Variants in MARK1 observed in about 807,000 individuals in gnomAD.
MARK1 encodes microtubule affinity regulating kinase 1.
Under a neutral mutation model 96.3 loss-of-function variants are expected in MARK1, and 40 were observed. The observed-to-expected ratio is 0.42, with a 90% CI of 0.32 to 0.54. The LOEUF (loss-of-function observed/expected upper bound fraction) is 0.54. Among genes scored for constraint, MARK1 ranks in the 20% least tolerant of loss-of-function variants. The pLI is 0.16. For synonymous variants in MARK1, 317 were observed against 341.2 expected (o/e 0.93, Z 0.78); for missense variants, 719 against 984.6 (o/e 0.73, Z 3.61).
intron 5 of MARK1, among the ~76,000 whole-genome samples, chr1:220,601,206 C>T (rs757894408): frequency 1.2e-4 from 18 of 152,120 alleles, no homozygotes; most frequent in South Asian, 6.2e-4. Flanking sequence ...GCATTAGCCA[C>T]CGCGCCTGGC....
At chr1:220,594,286 A>G (rs1339674016) in intron 3 of MARK1, among the ~76,000 whole-genome samples, 1 of 152,242 alleles carries the variant, frequency 6.6e-6, no homozygotes, top group African/African-American at 2.4e-5. Context: ...ACTCCACATC[A>G]TATGTCATCA....
intron 1 of MARK1, 33 bp from the exon 2 acceptor site, chr1:220,579,317 TTTAA>T: frequency 7.2e-7 from 1 of 1,395,720 alleles, no homozygotes; most frequent in South Asian, 1.2e-5. Flanking sequence ...TATAATATAA[TTTAA>T]TTAACAATGA....
intron 6 of MARK1, among the ~76,000 whole-genome samples, chr1:220,611,190 C>T (rs1018038393): frequency 6.6e-6 from 1 of 152,200 alleles, no homozygotes; most frequent in African/African-American, 2.4e-5. Context: ...GAGATGGAGT[C>T]TAGAGGCAGT....
intron 1 of MARK1, among the ~76,000 whole-genome samples, chr1:220,578,453 C>T (rs897405705): frequency 7.2e-5 from 11 of 152,180 alleles, no homozygotes; most frequent in African/African-American, 2.7e-4. Flanking sequence ...CAGAACAGCA[C>T]TGATGCAATG....
In MARK1 at chr1:220,631,046, A is replaced by C; in HGVS notation, c.921A>C (p.Lys307Asn). The change falls in exon 10 of 18, where the codon AAA (lysine) becomes AAC (asparagine). Residue 307 changes from lysine (K) to asparagine (N), a missense_variant. Around this residue, in one of 4 missense-constraint regions of MARK1, gnomAD observed 501 missense variants for 588.3 expected, o/e 0.85. Transcript: ENST00000366917. ...AGTTTATTTCCTAGCAAATAATGAA[A>C]GATCGATGGATGAATGTTGGTCATG... ...IKRGSLEQIM[K>N]DRWMNVGHEE... The C allele has an allele frequency of 6.2e-7, 1 of 1,610,466 alleles. No homozygotes were observed. The highest frequency in any genetic ancestry group is 1.1e-5 in the South Asian group (1 of 90,896).
At chr1:220,612,678 C>A (rs1666518760) in intron 6 of MARK1, among the ~76,000 whole-genome samples, 1 of 151,986 alleles carries the variant, frequency 6.6e-6, no homozygotes, top group African/African-American at 2.4e-5. Context: ...TTTTGAGGAG[C>A]TTACTTTTAT....
At chr1:220,648,436 C>G (rs918451869) in intron 13 of MARK1, among the ~76,000 whole-genome samples, 1 of 152,174 alleles carries the variant, frequency 6.6e-6, no homozygotes, top group Non-Finnish European at 1.5e-5. Context: ...AGCAGTGACA[C>G]TGTGTTTCCA....
intron 3 of MARK1, among the ~76,000 whole-genome samples, chr1:220,584,387 T>G (rs1379283591): frequency 6.6e-6 from 1 of 152,236 alleles, no homozygotes; most frequent in Non-Finnish European, 1.5e-5. Context: ...TAAAGTTTTA[T>G]AGAATGTGAA....
intron 13 of MARK1, among the ~76,000 whole-genome samples, chr1:220,643,232 A>C (rs900368656): frequency 4.6e-5 from 7 of 152,220 alleles, no homozygotes; most frequent in Non-Finnish European, 4.4e-5. Flanking sequence ...TGTTAACTAG[A>C]ATAACCAGTT....
intron 13 of MARK1, among the ~76,000 whole-genome samples, chr1:220,646,736 C>T (rs1175942207): frequency 6.6e-6 from 1 of 152,100 alleles, no homozygotes; most frequent in African/African-American, 2.4e-5. Flanking sequence ...ATAGAGAACT[C>T]AGAAATAAAA....
intron 1 of MARK1, among the ~76,000 whole-genome samples, chr1:220,542,602 G>A (rs1572049961): frequency 6.6e-6 from 1 of 152,248 alleles, no homozygotes; most frequent in East Asian, 1.9e-4. Context: ...GGGAGTTGTA[G>A]GTTCAGCTCT....
rs762461843 is a variant in MARK1, at chr1:220,631,027, T to C, written c.910-8T>C. 2 of 1,592,284 alleles carry C rather than the reference T, an allele frequency of 1.3e-6. No individual in the cohort carries two copies. Among genetic ancestry groups the C allele is most frequent in the Admixed American group, 1.7e-5 (1 of 59,824 alleles). The stretch of plus-strand genomic sequence containing the variant: ...TTGACCACACATAATGTAGAGTTTA[T>C]TTCCTAGCAAATAATGAAAGATCGA... On this transcript the variant is annotated splice_region_variant and splice_polypyrimidine_tract_variant and intron_variant, in intron 9 of 17. Transcript: ENST00000366917.
chr1:220,541,210 G>A (rs1038564103), intron 1 of MARK1, among the ~76,000 whole-genome samples: 11 of 152,142 alleles, frequency 7.2e-5, no homozygotes, highest in Non-Finnish European at 1.3e-4. Context: ...TGGGATGACA[G>A]GCAAGAGCCA....
Position 220,632,184 on chromosome 1 carries a change from CTT to C in MARK1, c.1010-12_1010-11del. 1 of 1,274,630 alleles carries C rather than the reference CTT, an allele frequency of 7.8e-7. No homozygotes were observed. The highest frequency in any genetic ancestry group is 1.1e-6 in the Non-Finnish European group (1 of 950,814). The allele number at this position is 1,274,630 out of a possible 1,614,324, so 79.0% of individuals were successfully genotyped here. A position where few individuals can be genotyped will look rare whatever the true frequency, so the allele number is the denominator to read the frequency against. ...ATAAAACCATTTTCAGAAAATTTCT[CTT>C]TTTTAAATTTCTAGACATTATGGTC... On this transcript the variant is annotated splice_polypyrimidine_tract_variant and intron_variant, in intron 10 of 17. Coordinates refer to ENST00000366917, the MANE Select transcript of MARK1 (RefSeq NM_018650.5).
intron 1 of MARK1, among the ~76,000 whole-genome samples, chr1:220,543,954 A>G (rs1017650836): frequency 6.6e-6 from 1 of 152,218 alleles, no homozygotes; most frequent in African/African-American, 2.4e-5. Context: ...ACCTCATATT[A>G]TGATGAAAAT....
chr1:220,650,129 T>TG (rs998595430), intron 13 of MARK1, among the ~76,000 whole-genome samples: 2 of 152,206 alleles, frequency 1.3e-5, no homozygotes, highest in Non-Finnish European at 2.9e-5. Flanking sequence ...CCTTTGATCC[T>TG]GGGGCATTTA....
intron 1 of MARK1, among the ~76,000 whole-genome samples, chr1:220,571,359 A>C (rs1663440270): frequency 6.6e-6 from 1 of 152,202 alleles, no homozygotes; most frequent in African/African-American, 2.4e-5. Flanking sequence ...GTATTATGTA[A>C]AAGAATGTTT....
At chr1:220,612,437 C>T (rs770609887) in intron 6 of MARK1, among the ~76,000 whole-genome samples, 1 of 151,900 alleles carries the variant, frequency 6.6e-6, no homozygotes, top group Non-Finnish European at 1.5e-5. Context: ...GACTGAGTGC[C>T]AAATGAATGC....
intron 3 of MARK1, among the ~76,000 whole-genome samples, chr1:220,589,068 A>C (rs1664823184): frequency 6.6e-6 from 1 of 152,184 alleles, no homozygotes; most frequent in Non-Finnish European, 1.5e-5. Context: ...CAGGAGGAAC[A>C]AGCTGAACCA....
Sources: allele counts gnomAD v4.1 joint callset (sites outside exome capture counted in the v4.1 genomes callset), GRCh38; gene constraint gnomAD v4.1.1; regional missense constraint gnomAD v4.1.1; transcripts MANE v1.5; gene names NCBI Gene and HGNC (gene_info 2026-07-23, HGNC 2026-07-21).